The following LRRC7 variants were observed in gnomAD, a reference collection of about 807,000 sequenced individuals.
The protein encoded by LRRC7 is leucine rich repeat containing 7.
A neutral mutation model predicts 175.7 loss-of-function variants in LRRC7; 23 were observed. The ratio of observed to expected loss-of-function variants is 0.13; its 90% CI spans 0.09 to 0.19. LRRC7 has a LOEUF of 0.19. Ranked by LOEUF, LRRC7 falls within the 10% of genes least tolerant of loss-of-function variation. The pLI, the probability that LRRC7 is intolerant of heterozygous loss-of-function variation, is 1.00. For missense variants in LRRC7, 1,354 were observed against 1,904.7 expected, an observed-to-expected ratio of 0.71 and a Z score of 5.38; for synonymous variants, 685 against 680.9, an observed-to-expected ratio of 1.01 and a Z score of -0.09.
intron 10 of LRRC7, among the ~76,000 whole-genome samples, chr1:69,990,779 T>G (rs900498367): frequency 2.6e-5 from 4 of 152,212 alleles, no homozygotes; most frequent in Non-Finnish European, 5.9e-5. Context: ...AAGTTATAAA[T>G]AAGATGGTAA....
At chr1:69,919,776 C>T (rs556745620) in intron 7 of LRRC7, 6 of 922,754 alleles carry the variant, frequency 6.5e-6, no homozygotes, top group South Asian at 2.9e-5. Context: ...GCGCGGCGGA[C>T]GGGGGAGATG....
intron 2 of LRRC7, among the ~76,000 whole-genome samples, chr1:69,728,780 C>G (rs1487578366): frequency 6.6e-6 from 1 of 151,990 alleles, no homozygotes; most frequent in Non-Finnish European, 1.5e-5. Flanking sequence ...TGCAGCTGAG[C>G]CTAAAGGAAA....
chr1:69,789,264 G>A lies in LRRC7; in HGVS notation c.304-2779G>A, dbSNP rs570263172. 2.6e-5 allele frequency among the ~76,000 whole-genome samples: 4 copies of A among 152,112 alleles called. No homozygotes were observed. The East Asian group carries it at 5.8e-4, about 22-fold the overall frequency. ...TTAGTACCCAAATATTTTAAGACTT[G>A]AAACAATTTTATTGTTTTTGAAATG... On this transcript the variant is annotated intron_variant, in intron 3 of 26. Coordinates refer to ENST00000651989, the MANE Select transcript of LRRC7 (RefSeq NM_001370785.2).
At chr1:69,713,926 T>C (rs1005219437) in intron 2 of LRRC7, among the ~76,000 whole-genome samples, 1 of 152,076 alleles carries the variant, frequency 6.6e-6, no homozygotes, top group African/African-American at 2.4e-5. Context: ...CCAGTAATCT[T>C]GCTAATTCCT....
chr1:69,893,514 C>T (rs1289565631), intron 7 of LRRC7, among the ~76,000 whole-genome samples: 1 of 152,052 alleles, frequency 6.6e-6, no homozygotes, highest in African/African-American at 2.4e-5. Flanking sequence ...GAAATACATT[C>T]TATATTTTTT....
At chr1:69,975,486 C>T (rs1306742569) in intron 8 of LRRC7, among the ~76,000 whole-genome samples, 1 of 152,134 alleles carries the variant, frequency 6.6e-6, no homozygotes, top group Non-Finnish European at 1.5e-5. Flanking sequence ...CCTATGGAAA[C>T]CTGACGTCTT....
intron 5 of LRRC7, among the ~76,000 whole-genome samples, chr1:69,826,928 T>C (rs748028483): frequency 1.1e-4 from 16 of 152,038 alleles, no homozygotes; most frequent in Non-Finnish European, 1.8e-4. Context: ...GTGAAATAGA[T>C]GTAAAAGAAT....
rs867614461 is a variant in LRRC7, at chr1:70,125,913, A to G, written c.*4026A>G. Among the ~76,000 whole-genome samples, 6 of 151,734 alleles carry G rather than the reference A, an allele frequency of 4.0e-5. No individual in the cohort carries two copies. In the Middle Eastern group the frequency reaches 0.01, roughly 260 times the overall value. ...TTTGTCAAAATGGTTAGATGAAAGA[A>G]ACCAAAAAAACCATTTTATTTTTAA... On this transcript the variant is annotated 3_prime_UTR_variant, in exon 27 of 27. Transcript: ENST00000651989.
chr1:69,750,294 A>G (rs1182132419), intron 2 of LRRC7, among the ~76,000 whole-genome samples: 1 of 151,904 alleles, frequency 6.6e-6, no homozygotes, highest in African/African-American at 2.4e-5. Context: ...GCAATAATGT[A>G]TATTTTGAAA....
At chr1:69,823,778 A>G (rs1679577208) in intron 4 of LRRC7, among the ~76,000 whole-genome samples, 1 of 152,116 alleles carries the variant, frequency 6.6e-6, no homozygotes, top group African/African-American at 2.4e-5. Context: ...TTATTACAGC[A>G]CTTTGTGCCA....
At chr1:69,891,749 C>A (rs1465057253) in intron 7 of LRRC7, among the ~76,000 whole-genome samples, 1 of 151,686 alleles carries the variant, frequency 6.6e-6, no homozygotes, top group African/African-American at 2.4e-5. Flanking sequence ...AAAAAAAAAT[C>A]ACTGATTATA....
At chr1:69,733,792 G>T (rs538476457) in intron 2 of LRRC7, among the ~76,000 whole-genome samples, 2 of 151,936 alleles carry the variant, frequency 1.3e-5, no homozygotes, top group African/African-American at 2.4e-5. Flanking sequence ...TTGTTCAAAG[G>T]CATTTGGCTC....
At chr1:70,012,051 A>G (rs895015600) in intron 12 of LRRC7, 125 bp downstream of exon 12, 19 of 507,298 alleles carry the variant, frequency 3.7e-5, no homozygotes, top group Non-Finnish European at 6.3e-5. Flanking sequence ...GGAATTATCT[A>G]CATATATATT....
chr1:70,068,581 T>C (rs988808376), intron 23 of LRRC7, among the ~76,000 whole-genome samples: 4 of 152,156 alleles, frequency 2.6e-5, no homozygotes, highest in African/African-American at 9.7e-5. Flanking sequence ...CCTACTTCCT[T>C]CCTCTGTTTC....
At chr1:69,769,481 A>C (rs1671985451) in intron 3 of LRRC7, among the ~76,000 whole-genome samples, 1 of 152,204 alleles carries the variant, frequency 6.6e-6, no homozygotes, top group Non-Finnish European at 1.5e-5. Flanking sequence ...GTCATAGTCA[A>C]AACTTAGTTC....
intron 23 of LRRC7, among the ~76,000 whole-genome samples, chr1:70,062,529 A>G (rs1571214441): frequency 6.6e-6 from 1 of 152,052 alleles, no homozygotes; most frequent in Admixed American, 6.6e-5. Flanking sequence ...CTAACTGCAA[A>G]TTATTGATAT....
rs543051137 is a variant in LRRC7, at chr1:70,068,754, T to C, written c.4231-7323T>C. ...CTTTTTTTGAAACAGTCTCATTCTG[T>C]TGCCTAGGCAGGATTGCAGTAGTAC... On this transcript the variant is annotated intron_variant, in intron 23 of 26. Transcript: ENST00000651989. Among the ~76,000 whole-genome samples the C allele has an allele frequency of 4.5e-4, 68 of 152,314 alleles. 2 individuals carry two copies. Among genetic ancestry groups the C allele is most frequent in the Admixed American group, 1.1e-3 (17 of 15,294 alleles).
At chr1:69,815,214 C>A (rs1280992722) in intron 4 of LRRC7, among the ~76,000 whole-genome samples, 1 of 152,076 alleles carries the variant, frequency 6.6e-6, no homozygotes, top group Admixed American at 6.6e-5. Flanking sequence ...GGTTACATTT[C>A]TTCCTTAATA....
At chr1:69,716,864 C>A (rs906266191) in intron 2 of LRRC7, among the ~76,000 whole-genome samples, 2 of 151,682 alleles carry the variant, frequency 1.3e-5, no homozygotes, top group Admixed American at 1.3e-4. Context: ...CAAGAAGAAT[C>A]TTTGAAAATC....
Sources: gnomAD v4.1 joint callset for allele counts (sites outside exome capture counted in the v4.1 genomes callset) on GRCh38, gnomAD v4.1.1 for gene constraint, MANE v1.5 for transcripts, NCBI Gene and HGNC (gene_info 2026-07-23, HGNC 2026-07-21) for gene names.